Variants in CCT2 observed in about 807,000 individuals in gnomAD.
CCT2 encodes the protein T-complex protein 1 subunit beta.
In CCT2, 18 loss-of-function variants were observed where a neutral mutation model predicts 61.8. The ratio of observed to expected loss-of-function variants is 0.29; its 90% CI spans 0.20 to 0.43. The LOEUF (loss-of-function observed/expected upper bound fraction) is 0.43. Ranked by LOEUF, CCT2 falls within the 20% of genes least tolerant of loss-of-function variation. The pLI is 1.00. For missense variants in CCT2, 556 were observed against 656.9 expected, an observed-to-expected ratio of 0.85 and a Z score of 1.68; for synonymous variants, 248 against 215.9, an observed-to-expected ratio of 1.15 and a Z score of -1.30.
intron 15 of CCT2, among the ~76,000 whole-genome samples, chr12:69,600,988 A>G (rs1042407558): frequency 6.6e-6 from 1 of 152,186 alleles, no homozygotes; most frequent in Non-Finnish European, 1.5e-5. Context: ...GCAGGGCATC[A>G]CACAGAGGAG....
At position 69,593,595 on chromosome 12, in the gene CCT2, C is replaced by G. The variant is rs781508198; in HGVS notation, c.964C>G (p.Arg322Gly). 6.2e-7 allele frequency: 1 copy of G among 1,607,986 alleles called. No homozygotes were observed. Among genetic ancestry groups the G allele is most frequent in the South Asian group, 1.1e-5 (1 of 90,824 alleles). The part of the protein sequence containing the change: ...IEHADFAGVE[R>G]LALVTGGEIA... ...GCATGCAGATTTTGCAGGTGTGGAA[C>G]GCCTAGCTCTTGTCACAGGTATGGA... Residue 322 changes from arginine (R) to glycine (G), a missense_variant, in exon 10 of 16, where the codon CGC becomes GGC. Coordinates refer to ENST00000299300, the MANE Select transcript of CCT2 (RefSeq NM_006431.3).
In CCT2 at chr12:69,586,851, A is replaced by G. The variant is rs759269611; in HGVS notation, c.144+33A>G. The G allele has an allele frequency of 3.7e-6, 5 of 1,339,112 alleles. No individual in the cohort carries two copies. The East Asian group carries it at 7.0e-5, about 19-fold the overall frequency. 83.0% of individuals were successfully genotyped at this position (1,339,112 alleles called of 1,614,324 possible). A position where few individuals can be genotyped will look rare whatever the true frequency, so the allele number is the denominator to read the frequency against. ...AAATAGAAAAGTTTTATATTTTAAT[A>G]TTGTTTTAGAGCGCTTGGTGGAAAT... On this transcript the variant is annotated intron_variant, in intron 3 of 15. Coordinates refer to ENST00000299300, the MANE Select transcript of CCT2 (RefSeq NM_006431.3).
chr12:69,587,828 TGA>T, intron 4 of CCT2, 100 bp from the exon 5 acceptor site: 1 of 968,294 alleles, frequency 1.0e-6, no homozygotes, highest in East Asian at 2.5e-5. Flanking sequence ...AATAATTTGT[TGA>T]ATGAGGAACC....
In CCT2 at chr12:69,597,994, G is replaced by T. The variant is rs1882040347; in HGVS notation, c.1258G>T (p.Ala420Ser). 3.7e-6 allele frequency: 6 copies of T among 1,613,788 alleles called. No individual in the cohort carries two copies. Among genetic ancestry groups the T allele is most frequent in the Admixed American group, 1.7e-5 (1 of 59,992 alleles). The change falls in exon 13 of 16, where the codon GCT (alanine) becomes TCT (serine). Residue 420 changes from alanine to serine, a missense_variant. Around this residue, in one of 3 missense-constraint regions of CCT2, gnomAD observed 225 missense variants for 249.8 expected, o/e 0.90. Transcript: ENST00000299300. ...CTGTTCTGAGATGTTGATGGCTCAT[G>T]CTGTGACACAGCTTGCCAATAGAAC... ...GGCSEMLMAH[A>S]VTQLANRTPG... is the part of the protein sequence containing the mutation.
At chr12:69,601,215 T>A in intron 15 of CCT2, 80 bp from the exon 16 acceptor site, 2 of 1,122,888 alleles carry the variant, frequency 1.8e-6, no homozygotes, top group South Asian at 3.1e-5. Flanking sequence ...GGATTCTAGT[T>A]GTGTTTGTAT....
chr12:69,596,766 CAA>C (rs1882004822), intron 10 of CCT2, among the ~76,000 whole-genome samples: 1 of 152,120 alleles, frequency 6.6e-6, no homozygotes, highest in African/African-American at 2.4e-5. Context: ...AATTTAAACT[CAA>C]AAGTAACTGC....
chr12:69,598,219 C>T, intron 13 of CCT2, 103 bp from the exon 14 acceptor site: 1 of 1,041,830 alleles, frequency 9.6e-7, no homozygotes, highest in Non-Finnish European at 1.4e-6. Context: ...GCAGATTTTA[C>T]ATTGTTCCTA....
intron 7 of CCT2, among the ~76,000 whole-genome samples, chr12:69,591,002 A>C (rs1424994830): frequency 6.6e-6 from 1 of 151,812 alleles, no homozygotes; most frequent in East Asian, 1.9e-4. Context: ...TACAGGCGTG[A>C]GCCACCATGC....
chr12:69,601,562 G>T lies in CCT2; in HGVS notation c.*237G>T. The T allele has an allele frequency of 7.7e-7, 1 of 1,305,878 alleles. No individual in the cohort carries two copies. The highest frequency in any genetic ancestry group is 1.9e-5 in the South Asian group (1 of 53,414). The allele number at this position is 1,305,878 out of a possible 1,614,324, so 80.9% of individuals were successfully genotyped here. A position where few individuals can be genotyped will look rare whatever the true frequency, so the allele number is the denominator to read the frequency against. ...ATACTGTGCATTAAAATAAAAATTTGAACAATTACTTGGTTCTTATGTCTT... is the reference window on the plus strand; with the variant it reads ...ATACTGTGCATTAAAATAAAAATTTTAACAATTACTTGGTTCTTATGTCTT... On this transcript the variant is annotated 3_prime_UTR_variant, in exon 16 of 16. Coordinates refer to ENST00000299300, the MANE Select transcript of CCT2 (RefSeq NM_006431.3).
At chr12:69,595,980 A>G (rs1325780397) in intron 10 of CCT2, among the ~76,000 whole-genome samples, 1 of 152,226 alleles carries the variant, frequency 6.6e-6, no homozygotes, top group African/African-American at 2.4e-5. Context: ...GCTGAGGCAG[A>G]AAGATTGCTT....
chr12:69,588,452 T>A, intron 6 of CCT2, 190 bp downstream of exon 6: 1 of 551,548 alleles, frequency 1.8e-6, no homozygotes, highest in Non-Finnish European at 3.2e-6. Context: ...TTTAGTCTTT[T>A]TGTATATATC....
At chr12:69,591,497 A>G (rs1202571340) in intron 7 of CCT2, among the ~76,000 whole-genome samples, 1 of 148,482 alleles carries the variant, frequency 6.7e-6, no homozygotes, top group Admixed American at 6.8e-5. Flanking sequence ...TGAATCTTCA[A>G]TTTTTCTCTT....
intron 14 of CCT2, chr12:69,599,660 TA>T (rs549061521): frequency 8.4e-4 from 290 of 345,816 alleles, no homozygotes; most frequent in African/African-American, 5.6e-3. Flanking sequence ...GTGCTGGGAG[TA>T]CAGATGTGAG....
At chr12:69,586,420 T>C (rs1881658915) in intron 2 of CCT2, 76 bp downstream of exon 2, 1 of 1,060,560 alleles carries the variant, frequency 9.4e-7, no homozygotes, top group South Asian at 1.3e-5. Context: ...GTAATCCCAG[T>C]ACTTTGGGAG....
In CCT2 at chr12:69,601,460, T is replaced by C. The variant is rs183030818; in HGVS notation, c.*135T>C. The C allele has an allele frequency of 7.0e-4, 1,094 of 1,566,222 alleles. 1 individual carries two copies. The highest frequency in any genetic ancestry group is 4.2e-3 in the Admixed American group (211 of 50,822). On this transcript the variant is annotated 3_prime_UTR_variant, in exon 16 of 16. Coordinates refer to ENST00000299300, the MANE Select transcript of CCT2 (RefSeq NM_006431.3). Reference sequence around the variant, plus strand: ...TTAAGTTTGGATATTTAGCTGACCTTCGCTTTAACATAGGTCTAATTTATT... The same window carrying C: ...TTAAGTTTGGATATTTAGCTGACCTCCGCTTTAACATAGGTCTAATTTATT...
At chr12:69,586,981 C>G in intron 3 of CCT2, 163 bp downstream of exon 3, 2 of 504,462 alleles carry the variant, frequency 4.0e-6, no homozygotes, top group Non-Finnish European at 6.9e-6. Context: ...AATCACCATC[C>G]CCAATCCCAT....
rs567441601 is a variant in CCT2, at chr12:69,589,324, A to G, written c.447-161A>G. On this transcript the variant is annotated intron_variant, in intron 6 of 15. Coordinates refer to ENST00000299300, the MANE Select transcript of CCT2 (RefSeq NM_006431.3). ...TTGCCAGTTTGGTGGGGAAAATAAC[A>G]TCTTTAATTTGTGTTTCTTGATTAC... The G allele has an allele frequency of 1.1e-3, 670 of 607,978 alleles. 1 individual carries two copies. The highest frequency in any genetic ancestry group is 1.8e-3 in the Admixed American group (56 of 31,886). 37.7% of individuals were successfully genotyped at this position (607,978 alleles called of 1,614,324 possible).
intron 1 of CCT2, 78 bp downstream of exon 1, chr12:69,585,602 C>G: frequency 6.5e-7 from 1 of 1,549,646 alleles, no homozygotes. Flanking sequence ...CTCTGTCCTG[C>G]TAGGGTCGTA....
intron 8 of CCT2, 106 bp downstream of exon 8, chr12:69,592,265 C>A (rs1881856993): frequency 1.7e-6 from 1 of 586,070 alleles, no homozygotes; most frequent in Non-Finnish European, 3.1e-6. Flanking sequence ...CATCTGAGAT[C>A]AGAAGTTTGA....
Sources: allele counts gnomAD v4.1 joint callset (sites outside exome capture counted in the v4.1 genomes callset), GRCh38; gene constraint gnomAD v4.1.1; regional missense constraint gnomAD v4.1.1; transcripts MANE v1.5; gene names NCBI Gene and HGNC (gene_info 2026-07-23, HGNC 2026-07-21).